Variants in SPATA6 observed in about 807,000 individuals in gnomAD.
SPATA6 encodes spermatogenesis associated 6, also known as spermatogenesis-associated protein 6.
A neutral mutation model predicts 65.3 loss-of-function variants in SPATA6; 56 were observed. That is an observed-to-expected ratio of 0.86 (90% CI 0.69 to 1.07). The LOEUF (loss-of-function observed/expected upper bound fraction) is 1.07, where lower values mean the gene tolerates loss of function less well. Among genes scored for constraint, SPATA6 ranks in the 50% least tolerant of loss-of-function variants. The pLI, the probability that SPATA6 is intolerant of heterozygous loss-of-function variation, is 0.00. For missense variants in SPATA6, 590 were observed against 594.8 expected, an observed-to-expected ratio of 0.99 and a Z score of 0.08; for synonymous variants, 199 against 213.2, an observed-to-expected ratio of 0.93 and a Z score of 0.58.
At chr1:48,357,559 C>A (rs1356046956) in intron 10 of SPATA6, among the ~76,000 whole-genome samples, 1 of 152,112 alleles carries the variant, frequency 6.6e-6, no homozygotes, top group African/African-American at 2.4e-5. Flanking sequence ...TGTCATACAT[C>A]ATCCACGCAA....
At chr1:48,294,696 G>T (rs1248839552), downstream of SPATA6, among the ~76,000 whole-genome samples, 1 of 152,094 alleles carries the variant, frequency 6.6e-6, no homozygotes, top group Non-Finnish European at 1.5e-5. Context: ...ATTCCACCTT[G>T]TTTTCCTATT....
chr1:48,266,832 T>C, the SPATA6 span, among the ~76,000 whole-genome samples: 2 of 152,174 alleles, frequency 1.3e-5, no homozygotes, highest in Non-Finnish European at 2.9e-5. Context: ...ACATTCTTTA[T>C]GCAGCACAGT....
In SPATA6 at chr1:48,440,027, C is replaced by T. The variant is rs559021856; in HGVS notation, c.238+11525G>A. Among the ~76,000 whole-genome samples the T allele has an allele frequency of 2.6e-5, 4 of 152,286 alleles. No homozygotes were observed. The East Asian group carries it at 7.7e-4, about 29-fold the overall frequency. On this transcript the variant is annotated intron_variant, in intron 3 of 12. Coordinates refer to ENST00000371847, the MANE Select transcript of SPATA6 (RefSeq NM_019073.4). ...ACAACTATGCAAAGCTTGCAATTTA[C>T]ATCCCACAAGAGGACCTCTCAGCTT... is the stretch of plus-strand genomic sequence containing the variant.
chr1:48,466,363 C>G (rs553327471), intron 1 of SPATA6, among the ~76,000 whole-genome samples: 3 of 152,094 alleles, frequency 2.0e-5, no homozygotes, highest in Non-Finnish European at 2.9e-5. Flanking sequence ...AGGATACATA[C>G]AAGTAAGATA....
At chr1:48,331,669 G>A (rs1280025112) in intron 11 of SPATA6, among the ~76,000 whole-genome samples, 1 of 152,178 alleles carries the variant, frequency 6.6e-6, no homozygotes, top group Non-Finnish European at 1.5e-5. Context: ...TCGTCCATGA[G>A]AACTTCCCCA....
chr1:48,296,762 C>T lies in SPATA6; in HGVS notation c.*1951G>A, dbSNP rs1373919007. On this transcript the variant is annotated 3_prime_UTR_variant, in exon 13 of 13. Transcript: ENST00000371847. ...TCAGCAATTGTGTAGTCCAGCATTT[C>T]TACAACCTAGGTATCCACATGTACC... 6.6e-6 allele frequency: 1 copy of T among 152,102 alleles called. No individual in the cohort carries two copies. The highest frequency in any genetic ancestry group is 1.5e-5 in the Non-Finnish European group (1 of 68,016). 9.4% of individuals were successfully genotyped at this position (152,102 alleles called of 1,614,324 possible). A position where few individuals can be genotyped will look rare whatever the true frequency, so the allele number is the denominator to read the frequency against.
intron 9 of SPATA6, among the ~76,000 whole-genome samples, chr1:48,368,503 C>T (rs971521846): frequency 2.0e-5 from 3 of 152,146 alleles, no homozygotes; most frequent in African/African-American, 7.2e-5. Context: ...TCTTTTTATT[C>T]TTTTTCCTCT....
At chr1:48,307,885 C>A (rs1164392402) in intron 11 of SPATA6, among the ~76,000 whole-genome samples, 1 of 151,812 alleles carries the variant, frequency 6.6e-6, no homozygotes, top group African/African-American at 2.4e-5. Context: ...CTCTTAAAGT[C>A]TATTTGTCCA....
At chr1:48,445,843 G>A (rs528405180) in intron 3 of SPATA6, among the ~76,000 whole-genome samples, 10 of 152,116 alleles carry the variant, frequency 6.6e-5, no homozygotes, top group Non-Finnish European at 1.3e-4. Context: ...TAAGGATATG[G>A]TGGGGAAGAT....
At chr1:48,416,980 T>G (rs1273811103) in intron 3 of SPATA6, among the ~76,000 whole-genome samples, 1 of 152,198 alleles carries the variant, frequency 6.6e-6, no homozygotes, top group African/African-American at 2.4e-5. Flanking sequence ...CAAAAACCTA[T>G]AGCAAACATC....
chr1:48,436,389 T>A (rs763968235), intron 3 of SPATA6: 8 of 1,611,734 alleles, frequency 5.0e-6, no homozygotes, highest in Non-Finnish European at 6.8e-6. Context: ...TTATGGCCTA[T>A]GGTTCAGCAA....
At chr1:48,306,606 C>T (rs1042684406) in intron 11 of SPATA6, among the ~76,000 whole-genome samples, 3 of 151,874 alleles carry the variant, frequency 2.0e-5, no homozygotes, top group Admixed American at 6.6e-5. Context: ...GTTCCTTAGT[C>T]AAACAAGAAG....
chr1:48,307,128 C>T (rs1427153344), intron 11 of SPATA6, among the ~76,000 whole-genome samples: 1 of 151,220 alleles, frequency 6.6e-6, no homozygotes, highest in Non-Finnish European at 1.5e-5. Context: ...ATGTAATTGC[C>T]TGTAGTGAGT....
At chr1:48,365,313 T>C (rs1646964869) in intron 9 of SPATA6, among the ~76,000 whole-genome samples, 1 of 152,170 alleles carries the variant, frequency 6.6e-6, no homozygotes, top group South Asian at 2.1e-4. Flanking sequence ...AACTTTAAAG[T>C]AGTTTTTTCC....
intron 11 of SPATA6, among the ~76,000 whole-genome samples, chr1:48,335,166 A>G (rs867570918): frequency 6.6e-6 from 1 of 152,150 alleles, no homozygotes; most frequent in Non-Finnish European, 1.5e-5. Context: ...TTCCATGCTC[A>G]TGGATAGGAA....
chr1:48,280,469 A>G, the SPATA6 span, among the ~76,000 whole-genome samples: 2 of 152,210 alleles, frequency 1.3e-5, no homozygotes, highest in African/African-American at 2.4e-5. Context: ...GAGAAGAATC[A>G]AATAGATGCA....
intron 1 of SPATA6, among the ~76,000 whole-genome samples, chr1:48,455,139 T>TAC (rs1207461347): frequency 6.6e-6 from 1 of 152,278 alleles, no homozygotes; most frequent in Non-Finnish European, 1.5e-5. Flanking sequence ...AAAATCGTCT[T>TAC]AGATTCCCTC....
chr1:48,291,063 C>T (rs1456163780), downstream of SPATA6, among the ~76,000 whole-genome samples: 11 of 152,338 alleles, frequency 7.2e-5, no homozygotes, highest in Admixed American at 3.3e-4. Flanking sequence ...AGCACCACGT[C>T]GCACTTACTG....
chr1:48,305,839 T>C lies in SPATA6; in HGVS notation c.1234A>G (p.Lys412Glu). Residue 412 changes from lysine to glutamate, a missense_variant, in exon 12 of 13, where the codon AAA becomes GAA. Lys to Glu is a moderately conservative substitution (Grantham distance 56). Coordinates refer to ENST00000371847, the MANE Select transcript of SPATA6 (RefSeq NM_019073.4). Reference protein sequence around the residue: ...DLEKDDELELKRSLLCRDSAY... With the variant: ...DLEKDDELELERSLLCRDSAY... ...GAGTCTCTACATAAAAGACTTCTTT[T>C]CAGTTCCAGTTCATCATCTTTCTCT... The C allele has an allele frequency of 1.2e-6, 2 of 1,612,430 alleles. No homozygotes were observed. Among genetic ancestry groups the C allele is most frequent in the Non-Finnish European group, 1.7e-6 (2 of 1,178,954 alleles).
Sources: allele counts gnomAD v4.1 joint callset (sites outside exome capture counted in the v4.1 genomes callset), GRCh38; gene constraint gnomAD v4.1.1; transcripts MANE v1.5; gene names NCBI Gene and HGNC (gene_info 2026-07-23, HGNC 2026-07-21).